The following HMCN1 variants were observed in gnomAD, a reference collection of about 807,000 sequenced individuals.
HMCN1 encodes hemicentin-1.
In HMCN1, 321 loss-of-function variants were observed where a neutral mutation model predicts 625.9. That is an observed-to-expected ratio of 0.51 (90% CI 0.47 to 0.56). HMCN1 has a LOEUF of 0.56. HMCN1 is among the 20% of genes least tolerant of loss of function. The pLI, the probability that HMCN1 is intolerant of heterozygous loss-of-function variation, is 0.00. For missense variants in HMCN1, 6,588 were observed against 6,887.3 expected (o/e 0.96, Z 1.54); for synonymous variants, 2,425 against 2,417.6 (o/e 1.00, Z -0.09).
rs770133357 is a variant in HMCN1 at position 186,016,236 on chromosome 1, T to G, written c.5188T>G (p.Leu1730Val). 1 of 1,612,246 alleles carries G rather than the reference T, an allele frequency of 6.2e-7. No homozygotes were observed. The change falls in exon 32 of 107, where the codon TTG becomes GTG. Residue 1730 changes from leucine (L) to valine (V), a missense_variant. Transcript: ENST00000271588. The stretch of plus-strand genomic sequence containing the variant: ...GGAAATCAAATATGAAGTTGATGTC[T>G]TGGGTAAATAAGGATGCCACTGCCT... ...EKEIKYEVDV[L>V]VPPAIEGGDE...
chr1:186,171,297 TC>T (rs776197525), intron 100 of HMCN1, 39 bp from the exon 101 acceptor site: 2 of 1,382,158 alleles, frequency 1.4e-6, no homozygotes, highest in Non-Finnish European at 2.1e-6. Flanking sequence ...AATTCAGGTT[TC>T]CTAATAGCAT....
Position 186,068,056 on chromosome 1 carries a change from T to C in HMCN1, c.7879+49T>C, listed in dbSNP as rs139138425. The C allele has an allele frequency of 2.2e-4, 328 of 1,481,628 alleles. No individual in the cohort carries two copies. In the African/African-American group the frequency reaches 4.1e-3, roughly 18 times the overall value. 91.8% of individuals were successfully genotyped at this position (1,481,628 alleles called of 1,614,324 possible). On this transcript the variant is annotated intron_variant, in intron 50 of 106. Transcript: ENST00000271588. Reference sequence around the variant, plus strand: ...CAAGATGCATCTGCGTCATCTACTATTCTAGAAAAGCAGAATCATTGGTTA... The same window carrying C: ...CAAGATGCATCTGCGTCATCTACTACTCTAGAAAAGCAGAATCATTGGTTA...
rs779765539 is a variant in HMCN1 at position 186,095,342 on chromosome 1, C to T, written c.10394C>T (p.Pro3465Leu). The part of the protein sequence containing the change: ...MACITDGTPA[P>L]SMAWLRDGQP... ...TGCATTACTGATGGAACCCCAGCTCCCAGTATGGCCTGGCTTAGAGATGGC... is the reference window on the plus strand; with the variant it reads ...TGCATTACTGATGGAACCCCAGCTCTCAGTATGGCCTGGCTTAGAGATGGC... The change falls in exon 68 of 107, where the codon CCC becomes CTC. Residue 3465 changes from proline (P) to leucine (L), a missense_variant. By Grantham distance (98) the Pro-to-Leu change is moderately conservative (BLOSUM62 -3). This residue lies in a region of HMCN1 where 4,628 missense variants were observed against 4,853.1 expected (regional missense o/e 0.95). Transcript: ENST00000271588. The T allele has an allele frequency of 1.1e-5, 17 of 1,613,586 alleles. No individual in the cohort carries two copies. The highest frequency in any genetic ancestry group is 1.4e-5 in the Non-Finnish European group (16 of 1,179,852).
chr1:186,165,237 A>C, intron 98 of HMCN1, 64 bp downstream of exon 98: 1 of 1,331,298 alleles, frequency 7.5e-7, no homozygotes, highest in Admixed American at 1.7e-5. Context: ...ATAGCATTTA[A>C]TGGGTATCTA....
At chr1:185,776,828 T>G (rs769938855) in intron 1 of HMCN1, among the ~76,000 whole-genome samples, 4 of 152,234 alleles carry the variant, frequency 2.6e-5, no homozygotes, top group Non-Finnish European at 5.9e-5. Context: ...CTCCTTCCTG[T>G]TGGAATATTC....
At chr1:185,933,438 C>A in intron 10 of HMCN1, 111 bp from the exon 11 acceptor site, 1 of 1,025,566 alleles carries the variant, frequency 9.8e-7, no homozygotes, top group Non-Finnish European at 1.5e-6. Flanking sequence ...TGTTGCACTG[C>A]ATCTTTCCTA....
intron 1 of HMCN1, among the ~76,000 whole-genome samples, chr1:185,799,550 A>C (rs148436848): frequency 6.6e-5 from 10 of 151,976 alleles, no homozygotes; most frequent in Middle Eastern, 6.8e-3. Flanking sequence ...AGACTCTATG[A>C]TTTCCTAGGT....
chr1:185,982,799 T>C (rs1651741264), intron 18 of HMCN1, among the ~76,000 whole-genome samples: 1 of 152,188 alleles, frequency 6.6e-6, no homozygotes, highest in African/African-American at 2.4e-5. Flanking sequence ...AAGTATCGAT[T>C]TAATAAATAT....
At chr1:186,074,612 T>C (rs1271387296) in intron 52 of HMCN1, 129 bp from the exon 53 acceptor site, 1 of 775,476 alleles carries the variant, frequency 1.3e-6, no homozygotes, top group Non-Finnish European at 2.1e-6. Context: ...GATTAAACTA[T>C]TGTCATGAAT....
intron 36 of HMCN1, among the ~76,000 whole-genome samples, chr1:186,034,587 G>C (rs768825942): frequency 2.0e-5 from 3 of 152,054 alleles, no homozygotes; most frequent in Non-Finnish European, 2.9e-5. Flanking sequence ...CTTTCAGGTC[G>C]CTCGAAACCT....
intron 1 of HMCN1, among the ~76,000 whole-genome samples, chr1:185,808,544 ATTATCT>A (rs1659317460): frequency 6.6e-6 from 1 of 152,016 alleles, no homozygotes. Flanking sequence ...AACTCAGCAA[ATTATCT>A]TTAATTTGTT....
intron 23 of HMCN1, 195 bp downstream of exon 23, chr1:185,993,504 G>A: frequency 1.8e-6 from 1 of 561,834 alleles, no homozygotes; most frequent in Non-Finnish European, 3.1e-6. Context: ...ACAATCTTCT[G>A]TTTCTTCCTT....
chr1:185,921,680 T>C (rs1667013354), intron 6 of HMCN1, among the ~76,000 whole-genome samples: 1 of 152,234 alleles, frequency 6.6e-6, no homozygotes, highest in Non-Finnish European at 1.5e-5. Flanking sequence ...GCTGGAATTA[T>C]GTGGTCATTT....
At chr1:186,093,106 A>G in intron 64 of HMCN1, 28 bp from the exon 65 acceptor site, 2 of 1,612,864 alleles carry the variant, frequency 1.2e-6, no homozygotes, top group Non-Finnish European at 1.7e-6. Flanking sequence ...ATCTCATCTC[A>G]GCCCCTCTGT....
chr1:185,782,846 G>A (rs150848667), intron 1 of HMCN1, among the ~76,000 whole-genome samples: 6,055 of 152,058 alleles, frequency 0.04, 312 homozygotes, highest in African/African-American at 0.13. Flanking sequence ...TTCTTGAGGA[G>A]TATCTTTGTG....
intron 4 of HMCN1, among the ~76,000 whole-genome samples, chr1:185,902,264 A>G (rs1398194641): frequency 6.6e-6 from 1 of 151,388 alleles, no homozygotes; most frequent in African/African-American, 2.4e-5. Flanking sequence ...TTAGTAATGT[A>G]AAAGACTGTT....
At chr1:186,106,773 A>C (rs1473347421) in intron 69 of HMCN1, 111 bp from the exon 70 acceptor site, 13 of 812,180 alleles carry the variant, frequency 1.6e-5, no homozygotes, top group Non-Finnish European at 2.4e-5. Flanking sequence ...AGTTGGCTTT[A>C]ATTATCTTGC....
At chr1:185,837,030 G>GTA (rs977919993) in intron 1 of HMCN1, among the ~76,000 whole-genome samples, 34 of 147,542 alleles carry the variant, frequency 2.3e-4, no homozygotes, top group South Asian at 4.2e-4. Flanking sequence ...GTGTGTGTGT[G>GTA]TATATATAAA....
intron 4 of HMCN1, among the ~76,000 whole-genome samples, chr1:185,882,303 T>A (rs978621724): frequency 1.4e-4 from 21 of 152,168 alleles, no homozygotes; most frequent in African/African-American, 4.1e-4. Flanking sequence ...ATTGTTGCCT[T>A]CCTGATAGAA....
Sources: gnomAD v4.1 joint callset for allele counts (sites outside exome capture counted in the v4.1 genomes callset) on GRCh38, gnomAD v4.1.1 for gene constraint, gnomAD v4.1.1 regional missense constraint, MANE v1.5 for transcripts, NCBI Gene and HGNC (gene_info 2026-07-23, HGNC 2026-07-21) for gene names.